The following TBC1D16 variants were observed in gnomAD, a reference collection of about 807,000 sequenced individuals.
TBC1D16 encodes the protein CTD-2529O21.1.
In TBC1D16, 58 loss-of-function variants were observed where a neutral mutation model predicts 74.7. The observed-to-expected ratio is 0.78, with a 90% CI of 0.63 to 0.97. TBC1D16 has a LOEUF of 0.97. Ranked by LOEUF, TBC1D16 falls within the 50% of genes least tolerant of loss-of-function variation. The pLI is 0.00. For missense variants in TBC1D16, 1,014 were observed against 1,079.5 expected (o/e 0.94, Z 0.85); for synonymous variants, 493 against 474.7 (o/e 1.04, Z -0.50).
In TBC1D16 at chr17:80,013,522, C is replaced by A. The variant is rs747760676; in HGVS notation, c.26G>T (p.Arg9Met). The A allele has an allele frequency of 1.9e-5, 30 of 1,552,476 alleles. 1 individual carries two copies. In the East Asian group the frequency reaches 5.2e-4, roughly 27 times the overall value. Residue 9 changes from arginine (R) to methionine (M), a missense_variant, in exon 2 of 12, where the codon AGG becomes ATG. Physicochemically the swap from Arg to Met is moderately conservative, Grantham distance 91. Transcript: ENST00000310924. The stretch of plus-strand genomic sequence containing the variant: ...GAGGTCCGAGGCTTTGGAGGAGGCC[C>A]TGCGAAGGAGGCGGCCCAGAGACAT... MSLGRLLR[R>M]ASSKASDLLT... is the part of the protein sequence containing the mutation.
intron 3 of TBC1D16, among the ~76,000 whole-genome samples, chr17:79,973,840 G>A (rs1024237307): frequency 4.6e-5 from 7 of 152,076 alleles, no homozygotes; most frequent in African/African-American, 1.7e-4. Context: ...GGGCAACAGA[G>A]CAAGACCCTG....
intron 4 of TBC1D16, 121 bp downstream of exon 4, chr17:79,952,536 G>A: frequency 7.8e-7 from 1 of 1,274,332 alleles, no homozygotes; most frequent in Non-Finnish European, 1.1e-6. Flanking sequence ...CAGACGCTTG[G>A]GAAGACTCCA....
rs147213564 is a variant in TBC1D16 at position 79,964,566 on chromosome 17, C to G, written c.780-11748G>C. 1.1e-4 allele frequency among the ~76,000 whole-genome samples: 17 copies of G among 152,246 alleles called. No individual in the cohort carries two copies. In the East Asian group the frequency reaches 3.3e-3, roughly 29 times the overall value. On this transcript the variant is annotated intron_variant, in intron 3 of 11. Coordinates refer to ENST00000310924, the MANE Select transcript of TBC1D16 (RefSeq NM_019020.4). ...TGGGGGTGATGGATCTGTTCATTAT[C>G]TTGATTGTGATGACGGCTCCATGAG...
chr17:80,035,833 G>A lies in TBC1D16; in HGVS notation c.-101C>T, dbSNP rs2036988204. ...CGGGGGCCGGATTCGCGCCGGCTCCGAGAGCCGCCACCGTCGCCTCCGCCG... is the reference window on the plus strand; with the variant it reads ...CGGGGGCCGGATTCGCGCCGGCTCCAAGAGCCGCCACCGTCGCCTCCGCCG... On this transcript the variant is annotated 5_prime_UTR_variant, in exon 1 of 12. Coordinates refer to ENST00000310924, the MANE Select transcript of TBC1D16 (RefSeq NM_019020.4). The surrounding 1 kb of genome is among the most constrained non-coding windows in gnomAD (Gnocchi z 5.3). 2 of 146,260 alleles carry A rather than the reference G, an allele frequency of 1.4e-5. No individual in the cohort carries two copies. Among genetic ancestry groups the A allele is most frequent in the South Asian group, 4.1e-4 (2 of 4,826 alleles). 9.1% of individuals were successfully genotyped at this position (146,260 alleles called of 1,614,324 possible).
At chr17:80,005,694 G>A (rs182088979) in intron 3 of TBC1D16, among the ~76,000 whole-genome samples, 185 of 152,286 alleles carry the variant, frequency 1.2e-3, no homozygotes, top group African/African-American at 4.1e-3. Context: ...GGCCGTCGCT[G>A]GACTGGGGCC....
chr17:79,998,007 C>A (rs2035338654), intron 3 of TBC1D16, among the ~76,000 whole-genome samples: 1 of 151,938 alleles, frequency 6.6e-6, no homozygotes, highest in African/African-American at 2.4e-5. Flanking sequence ...AGCCTGGAAT[C>A]CCAGCTACTC....
In TBC1D16 at chr17:80,001,803, C is replaced by G. The variant is rs966308209; in HGVS notation, c.779+8357G>C. Among the ~76,000 whole-genome samples the G allele has an allele frequency of 9.9e-5, 15 of 151,690 alleles. No homozygotes were observed. Among genetic ancestry groups the G allele is most frequent in the African/African-American group, 3.6e-4 (15 of 41,224 alleles). ...CCCCACTCACCCCTTGCCCCCTTCC[C>G]TGCTGTCTCTTGCCCTGGACCCTCT... is the stretch of plus-strand genomic sequence containing the variant. On this transcript the variant is annotated intron_variant, in intron 3 of 11. Transcript: ENST00000310924. This position sits in a 1 kb window ranked among gnomAD's most constrained non-coding sequence, Gnocchi z 5.8.
chr17:80,026,859 A>C (rs1045119801), intron 1 of TBC1D16, among the ~76,000 whole-genome samples: 7 of 149,394 alleles, frequency 4.7e-5, no homozygotes, highest in Admixed American at 4.6e-4. Context: ...CCAGTATGGA[A>C]CTCAGAGCAA....
intron 3 of TBC1D16, among the ~76,000 whole-genome samples, chr17:79,969,168 C>G (rs984879844): frequency 1.3e-5 from 2 of 152,170 alleles, no homozygotes; most frequent in Non-Finnish European, 2.9e-5. Flanking sequence ...GGGCAGGTCA[C>G]CTGAGGTCAG....
intron 1 of TBC1D16, among the ~76,000 whole-genome samples, chr17:80,032,152 C>A (rs1019920650): frequency 2.6e-5 from 4 of 152,212 alleles, no homozygotes; most frequent in African/African-American, 9.7e-5. Flanking sequence ...AGTGTGCAAG[C>A]CAGCATGGAT....
rs201589607 is a variant in TBC1D16 at position 79,950,406 on chromosome 17, C to G, written c.1257+5G>C. The G allele has an allele frequency of 1.1e-5, 18 of 1,604,156 alleles. No individual in the cohort carries two copies. The African/African-American group carries it at 2.4e-4, about 21-fold the overall frequency. On this transcript the variant is annotated splice_donor_5th_base_variant and intron_variant, in intron 6 of 11. Transcript: ENST00000310924. This position sits in a 1 kb window ranked among gnomAD's most constrained non-coding sequence, Gnocchi z 4.6. ...CGGGGCCAGCTGGGCGGACCCGGAC[C>G]TCACCTTCCGCAGCTTGTACTCCTC...
chr17:79,979,356 C>T lies in TBC1D16; in HGVS notation c.780-26538G>A, dbSNP rs1223587469. On this transcript the variant is annotated intron_variant, in intron 3 of 11. Transcript: ENST00000310924. The surrounding 1 kb of genome is among the most constrained non-coding windows in gnomAD (Gnocchi z 4.8). Reference sequence around the variant, plus strand: ...TGCACACCCACGCCCTGGACCCCAGCAGAGGGATCAAGGGCTCAGGCATCC... The same window carrying T: ...TGCACACCCACGCCCTGGACCCCAGTAGAGGGATCAAGGGCTCAGGCATCC... Among the ~76,000 whole-genome samples, 1 of 152,184 alleles carries T rather than the reference C, an allele frequency of 6.6e-6. No individual in the cohort carries two copies. Among genetic ancestry groups the T allele is most frequent in the African/African-American group, 2.4e-5 (1 of 41,450 alleles).
intron 3 of TBC1D16, among the ~76,000 whole-genome samples, chr17:79,977,333 AG>A (rs2034372515): frequency 6.6e-6 from 1 of 152,144 alleles, no homozygotes; most frequent in African/African-American, 2.4e-5. Flanking sequence ...TGGGATGGGA[AG>A]GGGTCCGTGT....
chr17:79,948,053 A>G (rs2032707722), intron 8 of TBC1D16, among the ~76,000 whole-genome samples: 1 of 152,190 alleles, frequency 6.6e-6, no homozygotes, highest in Admixed American at 6.5e-5. Context: ...GCCCACGCCT[A>G]CAATCCCAGC....
In TBC1D16 at chr17:79,988,536, G is replaced by A. The variant is rs946143936; in HGVS notation, c.779+21624C>T. ...TCAAACGCGCCCAGAGTCCACAGTC[G>A]ACCACCTCCCGCTCGGCAAGCCAGG... On this transcript the variant is annotated intron_variant, in intron 3 of 11. Transcript: ENST00000310924. This position sits in a 1 kb window ranked among gnomAD's most constrained non-coding sequence, Gnocchi z 5.7. 3.3e-5 allele frequency among the ~76,000 whole-genome samples: 5 copies of A among 152,214 alleles called. No individual in the cohort carries two copies. The highest frequency in any genetic ancestry group is 1.2e-4 in the African/African-American group (5 of 41,452).
In TBC1D16 at chr17:80,004,105, C is replaced by T. The variant is rs570380715; in HGVS notation, c.779+6055G>A. Among the ~76,000 whole-genome samples, 10 of 152,272 alleles carry T rather than the reference C, an allele frequency of 6.6e-5. No homozygotes were observed. The South Asian group carries it at 1.2e-3, about 19-fold the overall frequency. ...AAAATTAAAAACAATTTTATTAATC[C>T]GTATTATGTAAAATTAAAAATTCAG... On this transcript the variant is annotated intron_variant, in intron 3 of 11. Coordinates refer to ENST00000310924, the MANE Select transcript of TBC1D16 (RefSeq NM_019020.4).
chr17:79,975,845 C>T lies in TBC1D16; in HGVS notation c.780-23027G>A, dbSNP rs1369319321. 3.3e-5 allele frequency among the ~76,000 whole-genome samples: 5 copies of T among 152,188 alleles called. No individual in the cohort carries two copies. Among genetic ancestry groups the T allele is most frequent in the African/African-American group, 1.2e-4 (5 of 41,446 alleles). On this transcript the variant is annotated intron_variant, in intron 3 of 11. Coordinates refer to ENST00000310924, the MANE Select transcript of TBC1D16 (RefSeq NM_019020.4). The surrounding 1 kb of genome is among the most constrained non-coding windows in gnomAD (Gnocchi z 4.5). ...CCACTTTGGAATGACGGGGTCTGTG[C>T]AGAGACCGGGCAGAGCTCTGGGCTT...
chr17:79,993,911 G>A lies in TBC1D16; in HGVS notation c.779+16249C>T, dbSNP rs563417727. 6.6e-5 allele frequency among the ~76,000 whole-genome samples: 10 copies of A among 152,294 alleles called. No homozygotes were observed. The highest frequency in any genetic ancestry group is 3.9e-4 in the East Asian group (2 of 5,178). ...CCATGCAACCACCGGCCGGGGTTGC[G>A]TCAAGGCCTCCCGGAGCAGCTGTCA... On this transcript the variant is annotated intron_variant, in intron 3 of 11. Coordinates refer to ENST00000310924, the MANE Select transcript of TBC1D16 (RefSeq NM_019020.4). The surrounding 1 kb of genome is among the most constrained non-coding windows in gnomAD (Gnocchi z 5.1).
rs1167711496 is a variant in TBC1D16 at position 79,979,514 on chromosome 17, G to A, written c.780-26696C>T. Among the ~76,000 whole-genome samples, 1 of 152,148 alleles carries A rather than the reference G, an allele frequency of 6.6e-6. No homozygotes were observed. The highest frequency in any genetic ancestry group is 2.4e-5 in the African/African-American group (1 of 41,428). ...TGCAAATGCATCTGGGCGTGAAGAC[G>A]TCCCTGTGTCATCTCTGCAGGACCA... On this transcript the variant is annotated intron_variant, in intron 3 of 11. Transcript: ENST00000310924. The surrounding 1 kb of genome is among the most constrained non-coding windows in gnomAD (Gnocchi z 4.8).
Sources: gnomAD v4.1 joint callset for allele counts (sites outside exome capture counted in the v4.1 genomes callset) on GRCh38, gnomAD v4.1.1 for gene constraint, Gnocchi (gnomAD v3.1) non-coding constraint, MANE v1.5 for transcripts, NCBI Gene and HGNC (gene_info 2026-07-23, HGNC 2026-07-21) for gene names.